ARSG: variants seen among roughly 807,000 people sequenced by gnomAD.
ARSG encodes the protein arylsulfatase G, also known as ASG.
Under a neutral mutation model 50.5 loss-of-function variants are expected in ARSG, and 37 were observed. The observed-to-expected ratio is 0.73, with a 90% CI of 0.56 to 0.96. The LOEUF is 0.96. Among genes scored for constraint, ARSG ranks in the 50% least tolerant of loss-of-function variants. ARSG has a pLI of 0.00. For synonymous variants in ARSG, 225 were observed against 254.6 expected, an observed-to-expected ratio of 0.88 and a Z score of 1.11; for missense variants, 629 against 675.3, an observed-to-expected ratio of 0.93 and a Z score of 0.76.
intron 1 of ARSG, chr17:68,267,719 G>A (rs1555746847): frequency 6.6e-6 from 1 of 151,286 alleles, no homozygotes; most frequent in East Asian, 1.9e-4. Context: ...CTGCTAACGT[G>A]AGCAATACTA....
chr17:68,393,092 GTCT>G (rs1315513553), intron 9 of ARSG, among the ~76,000 whole-genome samples: 5 of 152,288 alleles, frequency 3.3e-5, no homozygotes, highest in African/African-American at 9.6e-5. Context: ...TGAGTGCCAG[GTCT>G]TCTTCTCTGT....
chr17:68,378,319 G>C lies in ARSG; in HGVS notation c.983-6745G>C, dbSNP rs183832958. 3.8e-4 allele frequency among the ~76,000 whole-genome samples: 58 copies of C among 152,374 alleles called. No homozygotes were observed. The highest frequency in any genetic ancestry group is 1.2e-3 in the African/African-American group (51 of 41,592). ...GCAACTTTCTCCCTGAAGCCAGGCT[G>C]CTGCGTCAGGCCACGTGCTGTCTTC... is the stretch of plus-strand genomic sequence containing the variant. On this transcript the variant is annotated intron_variant, in intron 8 of 11. Transcript: ENST00000621439. The surrounding 1 kb of genome is among the most constrained non-coding windows in gnomAD (Gnocchi z 4.4).
At chr17:68,343,537 A>C in intron 2 of ARSG, 67 bp from the exon 3 acceptor site, 1 of 1,407,870 alleles carries the variant, frequency 7.1e-7, no homozygotes, top group Non-Finnish European at 9.6e-7. Context: ...CTGAGTGGGC[A>C]CTGCCTTTTC....
intron 2 of ARSG, among the ~76,000 whole-genome samples, chr17:68,323,083 A>G (rs1555771158): frequency 6.6e-6 from 1 of 152,050 alleles, no homozygotes; most frequent in African/African-American, 2.4e-5. Context: ...TTATTGGAAG[A>G]CATGGAGGGT....
chr17:68,424,528 C>T (rs1200120170), downstream of ARSG: 4 of 533,180 alleles, frequency 7.5e-6, no homozygotes, highest in Non-Finnish European at 1.5e-5. Context: ...GTTTCAGTGC[C>T]CAAGTGGCAG....
At chr17:68,421,603 T>C (rs2147638986), downstream of ARSG, 2 of 842,732 alleles carry the variant, frequency 2.4e-6, no homozygotes, top group Non-Finnish European at 3.8e-6. Flanking sequence ...ACCAGGGTCG[T>C]GGGAAGCTTG....
chr17:68,343,616 C>T lies in ARSG; in HGVS notation c.231C>T (p.Phe77=), dbSNP rs759418577. 19 of 1,609,196 alleles carry T rather than the reference C, an allele frequency of 1.2e-5. No individual in the cohort carries two copies. Among genetic ancestry groups the T allele is most frequent in the Non-Finnish European group, 1.6e-5 (19 of 1,176,994 alleles). The change falls in exon 3 of 12, where the codon TTC becomes TTT. Residue 77 remains phenylalanine, a synonymous_variant. Coordinates refer to ENST00000621439, the MANE Select transcript of ARSG (RefSeq NM_001267727.2). Reference sequence around the variant, plus strand: ...CCTTTCCCTGCAGGTTTGTGGATTTCCATGCAGCTGCCTCCACCTGCTCAC... The same window carrying T: ...CCTTTCCCTGCAGGTTTGTGGATTTTCATGCAGCTGCCTCCACCTGCTCAC... The part of the protein sequence containing the change: ...MASEGMRFVD[F]HAAASTCSPS...
At chr17:68,350,848 GAT>G in intron 4 of ARSG, among the ~76,000 whole-genome samples, 2 of 152,176 alleles carry the variant, frequency 1.3e-5, no homozygotes, top group Middle Eastern at 6.8e-3. Flanking sequence ...CTGGAGAAGA[GAT>G]AGAAGGAAGG....
intron 2 of ARSG, among the ~76,000 whole-genome samples, chr17:68,341,630 C>A (rs1184179495): frequency 6.6e-6 from 1 of 152,168 alleles, no homozygotes; most frequent in Non-Finnish European, 1.5e-5. Context: ...TGGCTCTATT[C>A]ATCTATTTGG....
At position 68,281,605 on chromosome 17, in the gene ARSG, A is replaced by G. The variant is rs114487311; in HGVS notation, c.-552+22179A>G. Among the ~76,000 whole-genome samples the G allele has an allele frequency of 6.3e-3, 955 of 152,266 alleles. 7 individuals are homozygous for G. The highest frequency in any genetic ancestry group is 0.022 in the African/African-American group (902 of 41,558). On this transcript the variant is annotated intron_variant, in intron 1 of 11. Transcript: ENST00000448504. ...ATAAATAAATAAATAAAATGGGTGA[A>G]TAATCTGAGCAGACATTTCTCAAAA...
At chr17:68,327,671 T>C (rs1160126121) in intron 2 of ARSG, among the ~76,000 whole-genome samples, 3 of 152,202 alleles carry the variant, frequency 2.0e-5, no homozygotes, top group Non-Finnish European at 4.4e-5. Flanking sequence ...TCACCCTTTT[T>C]CTAATTACAT....
rs536788173 is a variant in ARSG at position 68,324,634 on chromosome 17, C to T, written c.218+16923C>T. Among the ~76,000 whole-genome samples, 3 of 152,326 alleles carry T rather than the reference C, an allele frequency of 2.0e-5. No homozygotes were observed. The South Asian group carries it at 6.2e-4, about 32-fold the overall frequency. ...AGGCCTTGGCATAAGATGCACTGAG[C>T]TCATACCAGCTATGTAGTCTTGGAA... On this transcript the variant is annotated intron_variant, in intron 2 of 11. Transcript: ENST00000621439.
chr17:68,431,877 TC>T, the ARSG span, among the ~76,000 whole-genome samples: 1 of 95,454 alleles, frequency 1.0e-5, no homozygotes, highest in Non-Finnish European at 2.2e-5. Flanking sequence ...CTGATAATAA[TC>T]CCCAGTGGAG....
intron 2 of ARSG, among the ~76,000 whole-genome samples, chr17:68,329,004 AG>A (rs528099261): frequency 2.6e-5 from 4 of 152,250 alleles, no homozygotes; most frequent in Non-Finnish European, 5.9e-5. Context: ...GGGAGCCAGC[AG>A]CAGCAAAAAG....
chr17:68,444,597 C>A, the ARSG span: 1 of 1,610,218 alleles, frequency 6.2e-7, no homozygotes, highest in African/African-American at 1.3e-5. Flanking sequence ...CCTCTGTAAT[C>A]ACACAGACTT....
intron 1 of ARSG, among the ~76,000 whole-genome samples, chr17:68,284,386 T>G (rs1019791855): frequency 6.6e-6 from 1 of 152,102 alleles, no homozygotes; most frequent in Non-Finnish European, 1.5e-5. Context: ...AGAGCAAGAC[T>G]CTGTCTAAAA....
downstream of ARSG, chr17:68,427,118 G>A: frequency 1.2e-6 from 2 of 1,602,674 alleles, no homozygotes; most frequent in East Asian, 2.2e-5. Flanking sequence ...TCCCCTGTTG[G>A]CCCCGTGTCC....
intron 11 of ARSG, among the ~76,000 whole-genome samples, chr17:68,402,719 G>A (rs900393352): frequency 1.3e-5 from 2 of 151,470 alleles, no homozygotes; most frequent in African/African-American, 4.9e-5. Flanking sequence ...TAGAGACAGG[G>A]TTTCACCGTG....
rs189140968 is a variant in ARSG, at chr17:68,373,160, G to A, written c.982+2636G>A. On this transcript the variant is annotated intron_variant, in intron 8 of 11. Coordinates refer to ENST00000621439, the MANE Select transcript of ARSG (RefSeq NM_001267727.2). Reference sequence around the variant, plus strand: ...ATTCCTGACCTCAAGTGATCCACCTGCCTCGGCCTCCCAAAGTGCTGGGAT... The same window carrying A: ...ATTCCTGACCTCAAGTGATCCACCTACCTCGGCCTCCCAAAGTGCTGGGAT... Among the ~76,000 whole-genome samples, 107 of 151,256 alleles carry A rather than the reference G, an allele frequency of 7.1e-4. No individual in the cohort carries two copies. In the East Asian group the frequency reaches 0.016, roughly 23 times the overall value.
Sources: gnomAD v4.1 joint callset for allele counts (sites outside exome capture counted in the v4.1 genomes callset) on GRCh38, gnomAD v4.1.1 for gene constraint, Gnocchi (gnomAD v3.1) non-coding constraint, MANE v1.5 for transcripts, NCBI Gene and HGNC (gene_info 2026-07-23, HGNC 2026-07-21) for gene names.